Variants in NBAS observed in about 807,000 individuals in gnomAD.
The protein encoded by NBAS is NAG/BC035112 fusion.
In NBAS, 219 loss-of-function variants were observed where a neutral mutation model predicts 302.5. The ratio of observed to expected loss-of-function variants is 0.72; its 90% confidence interval spans 0.65 to 0.81. The LOEUF (loss-of-function observed/expected upper bound fraction) is 0.81, where lower values mean the gene tolerates loss of function less well. Ranked by LOEUF, NBAS falls within the 30% of genes least tolerant of loss-of-function variation. The probability of loss-of-function intolerance (pLI) is 0.00; values close to 1 mark genes in which losing one functional copy is unlikely to be tolerated. For missense variants in NBAS, 2,932 were observed against 2,841.6 expected, an observed-to-expected ratio of 1.03 and a Z score of -0.72; for synonymous variants, 1,118 against 1,021.6, an observed-to-expected ratio of 1.09 and a Z score of -1.80.
chr2:15,322,637 T>C (rs1291137380), intron 38 of NBAS, among the ~76,000 whole-genome samples: 2 of 152,134 alleles, frequency 1.3e-5, no homozygotes, highest in Non-Finnish European at 2.9e-5. Flanking sequence ...TTCATCAACT[T>C]TATTAAAAAG....
the NBAS span, among the ~76,000 whole-genome samples, chr2:15,078,066 A>G: frequency 6.6e-6 from 1 of 152,118 alleles, no homozygotes; most frequent in Non-Finnish European, 1.5e-5. Context: ...TAGAGGAGAA[A>G]AGGCATTTTG....
At chr2:14,906,229 G>A in the NBAS span, among the ~76,000 whole-genome samples, 3 of 152,250 alleles carry the variant, frequency 2.0e-5, no homozygotes, top group Non-Finnish European at 1.5e-5. Context: ...ATTCTGGCAG[G>A]CACTGTGCAC....
the NBAS span, among the ~76,000 whole-genome samples, chr2:15,141,310 A>C: frequency 6.6e-6 from 1 of 152,166 alleles, no homozygotes; most frequent in Non-Finnish European, 1.5e-5. Context: ...AAATCTTATG[A>C]GTTCAGTGAT....
At chr2:15,463,869 G>T (rs1004696422) in intron 19 of NBAS, among the ~76,000 whole-genome samples, 1 of 148,146 alleles carries the variant, frequency 6.8e-6, no homozygotes, top group Non-Finnish European at 1.5e-5. Context: ...AATTTTGTTA[G>T]AAATAATCAT....
rs555628173 is a variant in NBAS, at chr2:15,372,585, C to CACAGAT, written c.3703+2022_3703+2023insATCTGT. ...ACCTAAATGGCATCTGTAAGATAAA[C>CACAGAT]ACAACAAAAAGTATACAAAGGCAAT... is the stretch of plus-strand genomic sequence containing the variant. On this transcript the variant is annotated intron_variant, in intron 31 of 51. Transcript: ENST00000281513. Among the ~76,000 whole-genome samples the CACAGAT allele has an allele frequency of 2.1e-4, 32 of 152,232 alleles. 2 individuals carry two copies. The East Asian group carries it at 2.7e-3, about 13-fold the overall frequency.
rs1183582887 is a variant in NBAS at position 15,428,919 on chromosome 2, T to C, written c.2340-1125A>G. Among the ~76,000 whole-genome samples the C allele has an allele frequency of 4.0e-5, 6 of 151,672 alleles. No individual in the cohort carries two copies. The East Asian group carries it at 1.2e-3, about 29-fold the overall frequency. ...TTAGCCAGGTGTGGAGGTGGCTGCC[T>C]CCCAGCTACTCAGGAGGCTGAGGCA... On this transcript the variant is annotated intron_variant, in intron 21 of 51. Transcript: ENST00000281513.
At chr2:15,513,767 T>C (rs149690123) in intron 9 of NBAS, among the ~76,000 whole-genome samples, 10 of 151,544 alleles carry the variant, frequency 6.6e-5, no homozygotes, top group South Asian at 2.1e-4. Flanking sequence ...GGTGGGAGGA[T>C]TGTTTGTGGC....
intron 35 of NBAS, among the ~76,000 whole-genome samples, chr2:15,341,700 C>G (rs1363849883): frequency 6.6e-6 from 1 of 152,042 alleles, no homozygotes; most frequent in Non-Finnish European, 1.5e-5. Context: ...GAGGAAGCGA[C>G]TAGTATAAAC....
chr2:15,502,189 G>C (rs1661600859), intron 11 of NBAS, among the ~76,000 whole-genome samples: 1 of 152,144 alleles, frequency 6.6e-6, no homozygotes. Flanking sequence ...CATTTCTCTT[G>C]AGGCCTTAAT....
At chr2:15,026,280 C>T in the NBAS span, among the ~76,000 whole-genome samples, 73 of 19,904 alleles carry the variant, frequency 3.7e-3, 30 homozygotes, top group Middle Eastern at 0.026. Context: ...CAAGGTGAAA[C>T]CCCGTCTCTA....
intron 35 of NBAS, among the ~76,000 whole-genome samples, chr2:15,339,010 G>A (rs1390277564): frequency 6.6e-6 from 1 of 151,984 alleles, no homozygotes; most frequent in Non-Finnish European, 1.5e-5. Flanking sequence ...GCCAAACCCT[G>A]TCTCTAAAAA....
the NBAS span, among the ~76,000 whole-genome samples, chr2:15,144,502 G>A: frequency 6.1e-3 from 936 of 152,266 alleles, 12 homozygotes; most frequent in African/African-American, 0.019. Context: ...ACTTCTCTGC[G>A]TGAGGCACTT....
At chr2:15,523,011 T>C (rs1558410017) in intron 9 of NBAS, among the ~76,000 whole-genome samples, 1 of 152,232 alleles carries the variant, frequency 6.6e-6, no homozygotes. Flanking sequence ...ATCGATCATC[T>C]ATCTGAAACG....
At chr2:15,264,076 G>T (rs1246222164) in intron 44 of NBAS, among the ~76,000 whole-genome samples, 3 of 152,186 alleles carry the variant, frequency 2.0e-5, no homozygotes, top group Non-Finnish European at 4.4e-5. Context: ...ATACGATGAA[G>T]AAAGAATGGA....
At chr2:15,417,376 T>C (rs1456354167) in intron 24 of NBAS, 151 bp downstream of exon 24, 13 of 697,962 alleles carry the variant, frequency 1.9e-5, no homozygotes, top group East Asian at 8.1e-5. Flanking sequence ...TAGTAAGTTA[T>C]GCATAATATT....
At chr2:15,448,005 T>C (rs1026909062) in intron 21 of NBAS, among the ~76,000 whole-genome samples, 4 of 152,118 alleles carry the variant, frequency 2.6e-5, no homozygotes, top group African/African-American at 9.7e-5. Context: ...AGGAACAAAA[T>C]GGCAAGAGAG....
intron 23 of NBAS, among the ~76,000 whole-genome samples, chr2:15,418,976 T>C (rs891062187): frequency 9.9e-5 from 15 of 152,154 alleles, no homozygotes; most frequent in African/African-American, 3.6e-4. Flanking sequence ...GAAATGTACA[T>C]GATGAACTGG....
the NBAS span, among the ~76,000 whole-genome samples, chr2:15,020,998 G>A: frequency 1.3e-5 from 2 of 152,138 alleles, no homozygotes; most frequent in Non-Finnish European, 2.9e-5. Flanking sequence ...TTGGTAGGCC[G>A]AGGCTGGTGG....
chr2:14,878,038 C>G, the NBAS span, among the ~76,000 whole-genome samples: 1 of 152,178 alleles, frequency 6.6e-6, no homozygotes, highest in African/African-American at 2.4e-5. Flanking sequence ...CCCATTTCAT[C>G]CCAGTTCACC....
Sources: allele counts gnomAD v4.1 joint callset (sites outside exome capture counted in the v4.1 genomes callset), GRCh38; gene constraint gnomAD v4.1.1; transcripts MANE v1.5; gene names NCBI Gene and HGNC (gene_info 2026-07-23, HGNC 2026-07-21).